The following SFI1 variants were observed in gnomAD, a reference collection of about 807,000 sequenced individuals.
SFI1 encodes the protein SFI1 centrin binding protein, also known as protein SFI1 homolog.
In SFI1, 195 loss-of-function variants were observed where a neutral mutation model predicts 207.5. That is an observed-to-expected ratio of 0.94 (90% CI 0.84 to 1.06). SFI1 has a LOEUF of 1.06. SFI1 is among the 50% of genes least tolerant of loss of function. The probability of loss-of-function intolerance (pLI) is 0.00; values close to 1 mark genes in which losing one functional copy is unlikely to be tolerated. For missense variants in SFI1, 1,634 were observed against 1,588.0 expected, an observed-to-expected ratio of 1.03 and a Z score of -0.49; for synonymous variants, 630 against 598.9, an observed-to-expected ratio of 1.05 and a Z score of -0.76.
chr22:31,532,830 C>A (rs966763878), intron 4 of SFI1, among the ~76,000 whole-genome samples: 1 of 152,058 alleles, frequency 6.6e-6, no homozygotes, highest in Admixed American at 6.6e-5. Flanking sequence ...GGCCACTGAG[C>A]GAGGAGGTAG....
chr22:31,526,180 G>C (rs559104014), intron 2 of SFI1, among the ~76,000 whole-genome samples: 3 of 152,262 alleles, frequency 2.0e-5, no homozygotes, highest in African/African-American at 4.8e-5. Context: ...ACTCAAATAT[G>C]ATACCTGTAT....
rs5753728 is a variant in SFI1 at position 31,618,418 on chromosome 22, G to A, written c.3729G>A (p.Ter1243=). The change falls in exon 33 of 33, where the codon TAG becomes TAA. Residue 1243 remains the stop codon, a stop_retained_variant. Transcript: ENST00000400288. ...RIQALRQALC[*] is the part of the protein sequence containing the mutation. ...AGGCCCTGCGGCAGGCCCTGTGCTA[G>A]CGTGTTCGCACCAGGAACGCAGGTG... The A allele has an allele frequency of 6.4e-7, 1 of 1,570,478 alleles. No individual in the cohort carries two copies. The highest frequency in any genetic ancestry group is 2.1e-4 in the Middle Eastern group (1 of 4,766).
intron 2 of SFI1, among the ~76,000 whole-genome samples, chr22:31,516,926 C>T (rs2056603856): frequency 6.6e-6 from 1 of 151,990 alleles, no homozygotes; most frequent in Admixed American, 6.6e-5. Flanking sequence ...TGCACTCCAG[C>T]CTGGGCAACA....
intron 8 of SFI1, 103 bp downstream of exon 8, chr22:31,561,495 A>G (rs776567190): frequency 8.0e-5 from 77 of 964,718 alleles, no homozygotes; most frequent in Non-Finnish European, 1.1e-4. Flanking sequence ...AGGGCCTGAG[A>G]GGGGGTGGGG....
intron 7 of SFI1, chr22:31,559,667 G>A (rs1245841085): frequency 2.7e-6 from 2 of 749,842 alleles, no homozygotes; most frequent in Admixed American, 1.7e-5. Flanking sequence ...CACTGAGGAT[G>A]AGATGGAACG....
intron 1 of SFI1, 98 bp from the exon 2 acceptor site, chr22:31,508,154 TAAG>T: frequency 1.5e-6 from 1 of 678,506 alleles, no homozygotes; most frequent in African/African-American, 1.8e-5. Flanking sequence ...AGTGTTGAAT[TAAG>T]GAGAGCAGGA....
chr22:31,594,863 A>AG (rs752001722), intron 15 of SFI1, among the ~76,000 whole-genome samples: 1,640 of 150,612 alleles, frequency 0.011, 9 homozygotes, highest in Non-Finnish European at 0.017. Context: ...TCAAAAAAAA[A>AG]AAAAAAAAAA....
rs778761078 is a variant in SFI1 at position 31,614,878 on chromosome 22, C to T, written c.3068+18C>T. 1.2e-6 allele frequency: 2 copies of T among 1,612,722 alleles called. No homozygotes were observed. Among genetic ancestry groups the T allele is most frequent in the South Asian group, 2.2e-5 (2 of 90,882 alleles). ...AGCCAGAGGTCCCTGGGGTGCAGCA[C>T]CGTGGGCAGGCAGGGGGAGATGGTC... is the stretch of plus-strand genomic sequence containing the variant. On this transcript the variant is annotated intron_variant, in intron 28 of 32. Transcript: ENST00000400288.
intron 6 of SFI1, among the ~76,000 whole-genome samples, chr22:31,553,659 C>T (rs866308950): frequency 6.6e-6 from 1 of 150,972 alleles, no homozygotes. Context: ...AGGGGTGAGC[C>T]ACCAAGCCCA....
At chr22:31,498,309 T>C (rs1249148072) in intron 1 of SFI1, among the ~76,000 whole-genome samples, 1 of 150,112 alleles carries the variant, frequency 6.7e-6, no homozygotes, top group Admixed American at 6.7e-5. Context: ...AAAAAATATA[T>C]ATATATTTTG....
intron 17 of SFI1, 50 bp from the exon 18 acceptor site, chr22:31,603,694 G>T: frequency 7.0e-7 from 1 of 1,423,616 alleles, no homozygotes; most frequent in Non-Finnish European, 9.3e-7. Context: ...CATAGAGGGT[G>T]CCCTCACTGG....
At chr22:31,508,485 G>T in intron 2 of SFI1, 109 bp downstream of exon 2, 3 of 730,998 alleles carry the variant, frequency 4.1e-6, no homozygotes, top group South Asian at 1.9e-5. Context: ...AGTAACTGTG[G>T]GTAAGTTTTT....
intron 16 of SFI1, 106 bp from the exon 17 acceptor site, chr22:31,602,501 A>C (rs930331886): frequency 2.3e-5 from 32 of 1,370,468 alleles, no homozygotes; most frequent in Non-Finnish European, 3.3e-5. Context: ...CCTGACATCC[A>C]TTCCTTTTGC....
intron 4 of SFI1, among the ~76,000 whole-genome samples, chr22:31,546,482 C>T (rs912249359): frequency 1.3e-5 from 2 of 152,112 alleles, no homozygotes; most frequent in African/African-American, 4.8e-5. Context: ...AGGTGCGTGC[C>T]ACCATGCCCA....
Position 31,613,150 on chromosome 22 carries a change from CA to C in SFI1, c.2500del (p.Arg834GlyfsTer67). ...FRQWRQQLAA[R>X]RQEQRATVRA... ...GGTCTTTCTGGCCCTAGCTGGCAGC[CA>C]GGAGGCAGGAGCAGCGGGCGACAGT... On this transcript the variant is annotated frameshift_variant, in exon 25 of 33. Coordinates refer to ENST00000400288, the MANE Select transcript of SFI1 (RefSeq NM_001007467.3). LOFTEE classifies it high-confidence loss of function. The C allele has an allele frequency of 6.2e-7, 1 of 1,613,538 alleles. No individual in the cohort carries two copies. The highest frequency in any genetic ancestry group is 8.5e-7 in the Non-Finnish European group (1 of 1,179,982).
intron 1 of SFI1, among the ~76,000 whole-genome samples, chr22:31,503,584 GTTTTTTTTTTT>G (rs34588094): frequency 1.1e-5 from 1 of 94,476 alleles, no homozygotes. Context: ...TTCTTGGACT[GTTTTTTTTTTT>G]TTTTTTTTTG....
intron 14 of SFI1, chr22:31,587,521 C>T (rs958351688): frequency 5.7e-6 from 1 of 174,162 alleles, no homozygotes; most frequent in Non-Finnish European, 1.3e-5. Context: ...CCATGTTACC[C>T]AGGCTGGTCT....
At chr22:31,589,795 T>TG (rs1188508895) in intron 15 of SFI1, among the ~76,000 whole-genome samples, 4 of 151,664 alleles carry the variant, frequency 2.6e-5, no homozygotes, top group Admixed American at 6.6e-5. Flanking sequence ...TATTTATTTT[T>TG]TTTGTGTGTG....
At position 31,530,941 on chromosome 22, in the gene SFI1, A is replaced by G. The variant is rs1041442501; in HGVS notation, c.267-117A>G. On this transcript the variant is annotated intron_variant, in intron 3 of 32. Transcript: ENST00000400288. ...AAATTAGCTATGATACCGCCTTTTG[A>G]TTCATACTAACATCCCTCTGCTGAG... The G allele has an allele frequency of 1.1e-5, 8 of 760,518 alleles. No individual in the cohort carries two copies. The Admixed American group carries it at 2.0e-4, about 19-fold the overall frequency. The allele number at this position is 760,518 out of a possible 1,614,324, so 47.1% of individuals were successfully genotyped here. A position where few individuals can be genotyped will look rare whatever the true frequency, so the allele number is the denominator to read the frequency against.
Sources: gnomAD v4.1 joint callset for allele counts (sites outside exome capture counted in the v4.1 genomes callset) on GRCh38, gnomAD v4.1.1 for gene constraint, MANE v1.5 for transcripts, NCBI Gene and HGNC (gene_info 2026-07-23, HGNC 2026-07-21) for gene names.